RPH3A: variants seen among roughly 807,000 people sequenced by gnomAD.
RPH3A encodes the protein rabphilin 3A, also known as rabphilin-3A.
RPH3A carries 48 observed loss-of-function variants against 102.2 expected under a neutral mutation model. The observed-to-expected ratio is 0.47, with a 90% CI of 0.37 to 0.60. The LOEUF is 0.60. Among genes scored for constraint, RPH3A ranks in the 20% least tolerant of loss-of-function variants. The pLI is 0.00. For synonymous variants in RPH3A, 310 were observed against 324.3 expected, an observed-to-expected ratio of 0.96 and a Z score of 0.47; for missense variants, 781 against 910.1, an observed-to-expected ratio of 0.86 and a Z score of 1.83.
chr12:112,847,928 G>A, intron 5 of RPH3A, 86 bp downstream of exon 5: 6 of 1,477,692 alleles, frequency 4.1e-6, no homozygotes, highest in Non-Finnish European at 5.5e-6. Context: ...CCTCAAACGG[G>A]GTGTGCTGGG....
intron 1 of RPH3A, among the ~76,000 whole-genome samples, chr12:112,674,973 T>A (rs2040163531): frequency 6.6e-6 from 1 of 152,202 alleles, no homozygotes; most frequent in African/African-American, 2.4e-5. Flanking sequence ...TAAAGGATTC[T>A]GACGATAAGG....
intron 1 of RPH3A, among the ~76,000 whole-genome samples, chr12:112,599,583 G>A (rs568688926): frequency 8.5e-5 from 13 of 152,266 alleles, no homozygotes; most frequent in African/African-American, 2.2e-4. Flanking sequence ...AGAAGGCCCC[G>A]AATAAATGGG....
rs143873044 is a variant in RPH3A, at chr12:112,821,422, C to T, written c.-18-6879C>T. 3.4e-4 allele frequency among the ~76,000 whole-genome samples: 51 copies of T among 152,138 alleles called. No homozygotes were observed. In the East Asian group the frequency reaches 9.1e-3, roughly 27 times the overall value. On this transcript the variant is annotated intron_variant, in intron 2 of 21. Transcript: ENST00000389385. ...GATCTGACACCCACCCCCACCACCA[C>T]CACTCTGATCTCAGCTCCCTCTTGC... is the stretch of plus-strand genomic sequence containing the variant.
intron 1 of RPH3A, among the ~76,000 whole-genome samples, chr12:112,588,628 C>A (rs982632377): frequency 6.6e-6 from 1 of 152,158 alleles, no homozygotes; most frequent in African/African-American, 2.4e-5. Context: ...ATGCTCAATG[C>A]CTGGGTGCAT....
intron 18 of RPH3A, among the ~76,000 whole-genome samples, chr12:112,890,568 G>C (rs2043076871): frequency 6.6e-6 from 1 of 152,168 alleles, no homozygotes; most frequent in Admixed American, 6.5e-5. Context: ...TAGAGCCAAA[G>C]CCAATCAGTG....
intron 2 of RPH3A, among the ~76,000 whole-genome samples, chr12:112,797,851 G>C (rs966782221): frequency 6.6e-6 from 1 of 151,864 alleles, no homozygotes; most frequent in African/African-American, 2.4e-5. Flanking sequence ...ACCATGCTGG[G>C]CTAATTGTTT....
chr12:112,678,308 AGAGAGAG>A (rs2040200217), intron 1 of RPH3A, among the ~76,000 whole-genome samples: 1 of 115,324 alleles, frequency 8.7e-6, no homozygotes, highest in African/African-American at 3.6e-5. Flanking sequence ...AAAGAAAGAG[AGAGAGAG>A]AGAAAGAAAG....
At chr12:112,787,679 T>C (rs2041060932), upstream of RPH3A, among the ~76,000 whole-genome samples, 1 of 152,208 alleles carries the variant, frequency 6.6e-6, no homozygotes, top group Non-Finnish European at 1.5e-5. Flanking sequence ...ATGAACTCAA[T>C]GGCCTCAGGC....
At chr12:112,698,035 C>A (rs2040364828) in intron 1 of RPH3A, among the ~76,000 whole-genome samples, 1 of 151,930 alleles carries the variant, frequency 6.6e-6, no homozygotes, top group African/African-American at 2.4e-5. Flanking sequence ...CTACAGTAGT[C>A]AATATAAAAT....
intron 2 of RPH3A, among the ~76,000 whole-genome samples, chr12:112,816,562 G>C (rs12581068): frequency 0.15 from 23,348 of 152,144 alleles, 2,363 homozygotes; most frequent in African/African-American, 0.29. Flanking sequence ...ACTTGGAAAC[G>C]TTCTTTGGTC....
At chr12:112,592,410 C>A (rs2039485232) in intron 1 of RPH3A, among the ~76,000 whole-genome samples, 2 of 152,124 alleles carry the variant, frequency 1.3e-5, no homozygotes, top group Non-Finnish European at 2.9e-5. Flanking sequence ...CTTCTGCCTC[C>A]CGGGTTCAAG....
At chr12:112,877,369 C>A (rs186140200) in intron 13 of RPH3A, among the ~76,000 whole-genome samples, 1 of 150,374 alleles carries the variant, frequency 6.7e-6, no homozygotes, top group South Asian at 2.1e-4. Flanking sequence ...CTATCCCACC[C>A]AGGCCCCAAG....
At chr12:112,830,490 A>G (rs987073654) in intron 3 of RPH3A, among the ~76,000 whole-genome samples, 1 of 152,216 alleles carries the variant, frequency 6.6e-6, no homozygotes, top group African/African-American at 2.4e-5. Flanking sequence ...AAAAATGTGC[A>G]TTCTATAATT....
intron 3 of RPH3A, among the ~76,000 whole-genome samples, chr12:112,834,215 A>T (rs536847050): frequency 6.6e-6 from 1 of 152,232 alleles, no homozygotes. Context: ...TATAAATGGA[A>T]TCATCCAGTG....
intron 5 of RPH3A, among the ~76,000 whole-genome samples, chr12:112,860,617 T>C (rs2042492681): frequency 6.6e-6 from 1 of 152,204 alleles, no homozygotes; most frequent in Non-Finnish European, 1.5e-5. Context: ...ATTGGATTTG[T>C]CCCACGCCCT....
At chr12:112,726,131 G>A (rs1424444435) in intron 1 of RPH3A, among the ~76,000 whole-genome samples, 2 of 149,976 alleles carry the variant, frequency 1.3e-5, no homozygotes, top group South Asian at 2.1e-4. Context: ...ACTGGGGAGT[G>A]GGGGATGGAG....
chr12:112,701,218 T>C (rs2040391709), intron 1 of RPH3A, among the ~76,000 whole-genome samples: 1 of 151,994 alleles, frequency 6.6e-6, no homozygotes, highest in African/African-American at 2.4e-5. Flanking sequence ...GTCGAGAGTA[T>C]AGGTAGAAAG....
At chr12:112,607,833 A>G (rs1212267729) in intron 1 of RPH3A, among the ~76,000 whole-genome samples, 1 of 152,208 alleles carries the variant, frequency 6.6e-6, no homozygotes, top group African/African-American at 2.4e-5. Flanking sequence ...TGTCCATTAA[A>G]TGCACTGTTC....
intron 1 of RPH3A, among the ~76,000 whole-genome samples, chr12:112,642,005 G>T (rs2039894418): frequency 6.6e-6 from 1 of 152,198 alleles, no homozygotes; most frequent in Non-Finnish European, 1.5e-5. Flanking sequence ...AGCTAGTTAA[G>T]TGATGGAGCT....
Sources: allele counts gnomAD v4.1 joint callset (sites outside exome capture counted in the v4.1 genomes callset), GRCh38; gene constraint gnomAD v4.1.1; transcripts MANE v1.5; gene names NCBI Gene and HGNC (gene_info 2026-07-23, HGNC 2026-07-21).